The following IL1RAPL2 variants were observed in gnomAD, a reference collection of about 807,000 sequenced individuals.
The protein encoded by IL1RAPL2 is interleukin 1 receptor accessory protein like 2.
In IL1RAPL2, 3 loss-of-function variants were observed where a neutral mutation model predicts 44.1. That is an observed-to-expected ratio of 0.07 (90% CI 0.03 to 0.18). IL1RAPL2 has a LOEUF of 0.18. Among genes scored for constraint, IL1RAPL2 ranks in the 10% least tolerant of loss-of-function variants. IL1RAPL2 has a pLI of 1.00. For missense variants in IL1RAPL2, 391 were observed against 496.4 expected (o/e 0.79, Z 2.02); for synonymous variants, 181 against 178.8 (o/e 1.01, Z -0.10).
At chrX:104,884,663 A>G (rs550510073) in intron 2 of IL1RAPL2, among the ~76,000 whole-genome samples, 5 of 111,470 alleles carry the variant, frequency 4.5e-5, no homozygotes, top group African/African-American at 9.8e-5. Flanking sequence ...ATAAATTACA[A>G]TACTGTCCTG....
intron 2 of IL1RAPL2, among the ~76,000 whole-genome samples, chrX:105,085,553 C>T (rs981113663): frequency 8.9e-6 from 1 of 112,169 alleles, no homozygotes. Flanking sequence ...GAAAAGAGAA[C>T]TCTTGTATAT....
intron 6 of IL1RAPL2, among the ~76,000 whole-genome samples, chrX:105,651,899 A>C (rs2037644837): frequency 8.9e-6 from 1 of 112,170 alleles, no homozygotes; most frequent in Non-Finnish European, 1.9e-5. Context: ...TTATAATTTC[A>C]AAATGTAATG....
At chrX:105,312,570 A>G (rs1222852517) in intron 5 of IL1RAPL2, among the ~76,000 whole-genome samples, 3 of 112,035 alleles carry the variant, frequency 2.7e-5, no homozygotes, top group East Asian at 2.8e-4. Flanking sequence ...TTGTATAGCA[A>G]TATACATGAG....
chrX:104,623,688 C>T (rs1171276167), intron 1 of IL1RAPL2, among the ~76,000 whole-genome samples: 1 of 111,135 alleles, frequency 9.0e-6, no homozygotes, highest in Non-Finnish European at 1.9e-5. Context: ...TGACTCAGGC[C>T]TCCCCAGGTT....
intron 2 of IL1RAPL2, among the ~76,000 whole-genome samples, chrX:105,115,651 C>T (rs1404934781): frequency 1.8e-5 from 2 of 112,929 alleles, no homozygotes; most frequent in African/African-American, 6.4e-5. Context: ...AAAGATTCTC[C>T]AAGTCCCCAC....
intron 1 of IL1RAPL2, among the ~76,000 whole-genome samples, chrX:104,639,467 T>G (rs1159161325): frequency 3.6e-5 from 4 of 112,035 alleles, no homozygotes; most frequent in African/African-American, 9.7e-5. Context: ...GTCACATTGT[T>G]AATTGTTTTC....
intron 1 of IL1RAPL2, chrX:104,647,227 A>G: frequency 2.8e-6 from 1 of 352,328 alleles, no homozygotes; most frequent in Admixed American, 3.3e-5. Context: ...GGAGGCAGGT[A>G]GGTGATGTTC....
intron 5 of IL1RAPL2, among the ~76,000 whole-genome samples, chrX:105,430,623 T>C (rs1469975830): frequency 5.7e-4 from 64 of 111,435 alleles, no homozygotes; most frequent in Non-Finnish European, 1.1e-4. Context: ...TACCCTGAGA[T>C]CATTCGAGAA....
intron 6 of IL1RAPL2, among the ~76,000 whole-genome samples, chrX:105,633,063 G>C (rs1255349235): frequency 8.9e-6 from 1 of 112,187 alleles, no homozygotes; most frequent in Non-Finnish European, 1.9e-5. Context: ...CTCTCAGAGA[G>C]AAAAGAGAAA....
intron 1 of IL1RAPL2, among the ~76,000 whole-genome samples, chrX:104,607,607 A>T: frequency 8.9e-6 from 1 of 112,651 alleles, no homozygotes; most frequent in Non-Finnish European, 1.9e-5. Context: ...GAAGACATTT[A>T]TGCAGCCAAC....
chrX:105,528,007 G>T (rs1453935603), intron 6 of IL1RAPL2, among the ~76,000 whole-genome samples: 2 of 112,087 alleles, frequency 1.8e-5, no homozygotes, highest in Non-Finnish European at 3.8e-5. Flanking sequence ...ATGATAGCCT[G>T]CAAGGGCTAT....
rs1029116683 is a variant in IL1RAPL2, at chrX:104,948,325, A to G, written c.83-247150A>G. Among the ~76,000 whole-genome samples the G allele has an allele frequency of 9.9e-3, 1,077 of 108,922 alleles. 11 individuals are homozygous for G. The highest frequency in any genetic ancestry group is 0.013 in the Non-Finnish European group (656 of 52,445). 94.6% of individuals were successfully genotyped at this position (108,922 alleles called of 115,157 possible). A position where few individuals can be genotyped will look rare whatever the true frequency, so the allele number is the denominator to read the frequency against. On this transcript the variant is annotated intron_variant, in intron 2 of 10. Transcript: ENST00000372582. The stretch of plus-strand genomic sequence containing the variant: ...GCTTGAGGAGATTTTGGGCTGAGAC[A>G]ATGGGGTTTTCTAGATATACAATCA...
At chrX:104,574,221 T>C (rs1191658577) in intron 1 of IL1RAPL2, among the ~76,000 whole-genome samples, 1 of 111,324 alleles carries the variant, frequency 9.0e-6, no homozygotes, top group Non-Finnish European at 1.9e-5. Flanking sequence ...GAAAAATATC[T>C]GTGACACATA....
Position 105,407,073 on chromosome X carries a change from A to T in IL1RAPL2, c.698-77240A>T, listed in dbSNP as rs772590757. ...AATTTTAGAGGCTGGAGGAAGATGT[A>T]CAAGATGAAAATGTTTTCCTTATCA... On this transcript the variant is annotated intron_variant, in intron 5 of 10. Transcript: ENST00000372582. The T allele has an allele frequency of 1.4e-5, 9 of 656,402 alleles. No individual in the cohort carries two copies. The Admixed American group carries it at 2.1e-4, about 15-fold the overall frequency. 54.1% of individuals were successfully genotyped at this position (656,402 alleles called of 1,213,427 possible).
intron 2 of IL1RAPL2, among the ~76,000 whole-genome samples, chrX:105,090,232 C>T (rs1428765584): frequency 9.0e-6 from 1 of 111,107 alleles, no homozygotes; most frequent in Non-Finnish European, 1.9e-5. Flanking sequence ...GTTCCAGGAC[C>T]CCCACATATT....
chrX:104,835,644 C>T (rs974489082), intron 2 of IL1RAPL2, among the ~76,000 whole-genome samples: 4 of 111,747 alleles, frequency 3.6e-5, no homozygotes, highest in African/African-American at 1.3e-4. Flanking sequence ...AGTTCAATAT[C>T]CCCCACTTAG....
chrX:105,022,769 G>A (rs756945073), intron 2 of IL1RAPL2, among the ~76,000 whole-genome samples: 1 of 110,896 alleles, frequency 9.0e-6, no homozygotes, highest in South Asian at 3.8e-4. Flanking sequence ...GCTCTTAGAG[G>A]GCTGCGTTAC....
chrX:104,706,163 C>G (rs1416414088), intron 2 of IL1RAPL2, among the ~76,000 whole-genome samples: 1 of 111,188 alleles, frequency 9.0e-6, no homozygotes, highest in Non-Finnish European at 1.9e-5. Flanking sequence ...CATTAACTGG[C>G]TGTGTGCCCA....
At chrX:105,077,702 G>T (rs368670754) in intron 2 of IL1RAPL2, among the ~76,000 whole-genome samples, 9 of 111,293 alleles carry the variant, frequency 8.1e-5, no homozygotes, top group East Asian at 2.8e-4. Context: ...AGATTTGGTC[G>T]TTTCACATAG....
Sources: allele counts gnomAD v4.1 joint callset (sites outside exome capture counted in the v4.1 genomes callset), GRCh38; gene constraint gnomAD v4.1.1; transcripts MANE v1.5; gene names NCBI Gene and HGNC (gene_info 2026-07-23, HGNC 2026-07-21).